Variants in EML6 observed in about 807,000 individuals in gnomAD.
EML6 encodes the protein echinoderm microtubule-associated protein-like 6.
A neutral mutation model predicts 240.1 loss-of-function variants in EML6; 154 were observed. That is an observed-to-expected ratio of 0.64 (90% CI 0.56 to 0.73). The LOEUF (loss-of-function observed/expected upper bound fraction) is 0.73. EML6 is among the 30% of genes least tolerant of loss of function. The pLI is 0.00. For missense variants in EML6, 2,964 were observed against 2,474.6 expected (o/e 1.20, Z -4.20); for synonymous variants, 1,148 against 899.0 (o/e 1.28, Z -4.95).
intron 2 of EML6, among the ~76,000 whole-genome samples, chr2:54,799,940 C>A (rs1572916626): frequency 6.6e-6 from 1 of 152,258 alleles, no homozygotes; most frequent in South Asian, 2.1e-4. Context: ...GGTTGGTACA[C>A]TTTATAAAGA....
At chr2:54,772,644 C>T (rs1210445164) in intron 2 of EML6, among the ~76,000 whole-genome samples, 2 of 152,166 alleles carry the variant, frequency 1.3e-5, no homozygotes, top group African/African-American at 4.8e-5. Flanking sequence ...CTACACATAA[C>T]AGCAGCTCTG....
intron 19 of EML6, 122 bp downstream of exon 19, chr2:54,892,778 G>A (rs1162215948): frequency 4.3e-6 from 3 of 694,048 alleles, no homozygotes; most frequent in Non-Finnish European, 2.4e-6. Context: ...GGAAGTAGTT[G>A]TCATAAAGCT....
chr2:54,946,927 A>G (rs75031428), intron 28 of EML6, among the ~76,000 whole-genome samples: 4 of 148,934 alleles, frequency 2.7e-5, no homozygotes, highest in African/African-American at 9.9e-5. Flanking sequence ...AATCAAGGTG[A>G]AAAAAAAAAG....
intron 2 of EML6, among the ~76,000 whole-genome samples, chr2:54,797,167 A>AAAAACAAAAAAAAAAAAAAAAC (rs1669837637): frequency 1.8e-5 from 2 of 114,088 alleles, no homozygotes; most frequent in Admixed American, 8.4e-5. Context: ...TCCATCTCAA[A>AAAAACAAAAAAAAAAAAAAAAC]AAAAAAAAAA....
chr2:54,949,005 C>A, intron 29 of EML6, 45 bp downstream of exon 29: 2 of 1,382,016 alleles, frequency 1.4e-6, no homozygotes, highest in Non-Finnish European at 1.0e-6. Flanking sequence ...CGTTCTAAGA[C>A]ATACCTGGTA....
chr2:54,752,343 A>T (rs1684214498), intron 2 of EML6, among the ~76,000 whole-genome samples: 1 of 152,176 alleles, frequency 6.6e-6, no homozygotes, highest in Non-Finnish European at 1.5e-5. Flanking sequence ...AAGTATAAAA[A>T]TTATGTGTTT....
chr2:54,856,152 C>G (rs1670365416), intron 11 of EML6, among the ~76,000 whole-genome samples: 1 of 152,144 alleles, frequency 6.6e-6, no homozygotes, highest in African/African-American at 2.4e-5. Context: ...CGTAGCCAAA[C>G]CAATTTGTTT....
intron 2 of EML6, among the ~76,000 whole-genome samples, chr2:54,786,189 C>T (rs1669079336): frequency 1.3e-5 from 2 of 152,074 alleles, no homozygotes; most frequent in African/African-American, 2.4e-5. Context: ...GGCTCCTATG[C>T]TTATTCCCTG....
intron 13 of EML6, among the ~76,000 whole-genome samples, chr2:54,864,841 A>G (rs1295469232): frequency 6.6e-6 from 1 of 152,226 alleles, no homozygotes; most frequent in Non-Finnish European, 1.5e-5. Flanking sequence ...AATATTTTTC[A>G]GCCCATAATC....
In EML6 at chr2:54,916,929, T is replaced by C. The variant is rs575891213; in HGVS notation, c.3669T>C (p.Pro1223=). The C allele has an allele frequency of 1.2e-5, 18 of 1,536,816 alleles. No homozygotes were observed. The highest frequency in any genetic ancestry group is 1.6e-5 in the Non-Finnish European group (18 of 1,134,364). ...GTTTCGTTAAGCTTTTTTCATATCC[T>C]GTCAAGGTAATATTGCGTGTTTATT... The part of the protein sequence containing the change: ...DFGFVKLFSY[P]VKGQHARFKK... The change falls in exon 26 of 42, where the codon CCT becomes CCC. Residue 1223 remains proline, a synonymous_variant. Transcript: ENST00000356458.
At position 54,942,836 on chromosome 2, in the gene EML6, A is replaced by G. The variant is rs1193463443; in HGVS notation, c.4005-6046A>G. Among the ~76,000 whole-genome samples, 6 of 152,142 alleles carry G rather than the reference A, an allele frequency of 3.9e-5. No individual in the cohort carries two copies. The South Asian group carries it at 1.0e-3, about 26-fold the overall frequency. On this transcript the variant is annotated intron_variant, in intron 28 of 41. Transcript: ENST00000356458. ...TTCCCGGGTACACCTGATCTTCATC[A>G]AGACAAATAAGTGCCTAGACACCTT...
At chr2:54,928,539 C>G in intron 27 of EML6, 25 bp downstream of exon 27, 2 of 1,547,336 alleles carry the variant, frequency 1.3e-6, no homozygotes, top group East Asian at 2.4e-5. Context: ...TGCCACATGC[C>G]TCCTGCGCCG....
chr2:54,842,093 G>A (rs971675049), intron 7 of EML6, among the ~76,000 whole-genome samples: 7 of 152,096 alleles, frequency 4.6e-5, no homozygotes, highest in South Asian at 2.1e-4. Flanking sequence ...CCCAGATGCC[G>A]TAGTTCATGT....
intron 38 of EML6, chr2:54,966,734 G>A (rs747504454): frequency 1.0e-4 from 23 of 230,422 alleles, no homozygotes; most frequent in Admixed American, 3.9e-4. Context: ...TGCAGCTGAC[G>A]TTGCTGGTCG....
At chr2:54,850,382 A>G in intron 10 of EML6, 164 bp downstream of exon 10, 1 of 610,956 alleles carries the variant, frequency 1.6e-6, no homozygotes, top group Non-Finnish European at 2.9e-6. Flanking sequence ...TTTCTGTCGC[A>G]AGATCCTAAA....
chr2:54,743,682 T>C (rs1683764473), intron 2 of EML6, among the ~76,000 whole-genome samples: 1 of 152,224 alleles, frequency 6.6e-6, no homozygotes, highest in Non-Finnish European at 1.5e-5. Flanking sequence ...AAACTTTTTT[T>C]GATTGTATAC....
At chr2:54,957,769 T>G (rs750152140) in intron 32 of EML6, 21 bp from the exon 33 acceptor site, 2 of 1,549,052 alleles carry the variant, frequency 1.3e-6, no homozygotes, top group South Asian at 2.4e-5. Flanking sequence ...GGAGCCTCAC[T>G]GGACTCTGTC....
intron 5 of EML6, among the ~76,000 whole-genome samples, chr2:54,825,814 C>T (rs1668562638): frequency 6.6e-6 from 1 of 152,124 alleles, no homozygotes; most frequent in South Asian, 2.1e-4. Context: ...GAACTGTTTC[C>T]TCTAGTACCC....
chr2:54,725,284 G>T lies in EML6; in HGVS notation c.197+26G>T. On this transcript the variant is annotated intron_variant, in intron 2 of 41. Coordinates refer to ENST00000356458, the MANE Select transcript of EML6 (RefSeq NM_001039753.4). The surrounding 1 kb of genome is among the most constrained non-coding windows in gnomAD (Gnocchi z 4.3). Reference sequence around the variant, plus strand: ...GTAAGGGGGTGGCCAGGGGCGGCGGGGAGGGGTTGCGTGTGGAGGCTGGGA... The same window carrying T: ...GTAAGGGGGTGGCCAGGGGCGGCGGTGAGGGGTTGCGTGTGGAGGCTGGGA... 7.2e-7 allele frequency: 1 copy of T among 1,388,188 alleles called. No individual in the cohort carries two copies. Among genetic ancestry groups the T allele is most frequent in the South Asian group, 1.6e-5 (1 of 61,862 alleles). 86.0% of individuals were successfully genotyped at this position (1,388,188 alleles called of 1,614,324 possible).
Sources: gnomAD v4.1 joint callset for allele counts (sites outside exome capture counted in the v4.1 genomes callset) on GRCh38, gnomAD v4.1.1 for gene constraint, Gnocchi (gnomAD v3.1) non-coding constraint, MANE v1.5 for transcripts, NCBI Gene and HGNC (gene_info 2026-07-23, HGNC 2026-07-21) for gene names.